Variants in CTNNA2 observed in about 807,000 individuals in gnomAD.
CTNNA2 encodes catenin alpha 2.
Under a neutral mutation model 101.0 loss-of-function variants are expected in CTNNA2, and 42 were observed. The observed-to-expected ratio is 0.42, with a 90% CI of 0.32 to 0.54. CTNNA2 has a LOEUF of 0.54. CTNNA2 is among the 20% of genes least tolerant of loss of function. The pLI is 0.14. For missense variants in CTNNA2, 871 were observed against 1,223.1 expected (o/e 0.71, Z 4.29); for synonymous variants, 450 against 456.4 (o/e 0.99, Z 0.18).
intron 9 of CTNNA2, among the ~76,000 whole-genome samples, chr2:80,443,131 T>C (rs1682739010): frequency 6.6e-6 from 1 of 152,214 alleles, no homozygotes; most frequent in African/African-American, 2.4e-5. Flanking sequence ...AAAGTTCACT[T>C]AATCGTGCCT....
chr2:80,044,122 G>A (rs962530500), intron 7 of CTNNA2, among the ~76,000 whole-genome samples: 1 of 152,134 alleles, frequency 6.6e-6, no homozygotes, highest in African/African-American at 2.4e-5. Context: ...TCTGTCCAGA[G>A]GATATTTATT....
At chr2:79,758,159 A>T (rs1672522390) in intron 3 of CTNNA2, among the ~76,000 whole-genome samples, 1 of 152,202 alleles carries the variant, frequency 6.6e-6, no homozygotes, top group African/African-American at 2.4e-5. Flanking sequence ...TGCATAAAAT[A>T]CTCTACGTTA....
intron 7 of CTNNA2, among the ~76,000 whole-genome samples, chr2:80,174,173 T>A (rs1466224177): frequency 5.3e-5 from 8 of 152,238 alleles, no homozygotes; most frequent in Non-Finnish European, 1.2e-4. Context: ...TAATGCCTTA[T>A]CCGATAGATA....
chr2:79,862,031 G>C (rs1004672023), intron 4 of CTNNA2, among the ~76,000 whole-genome samples: 1 of 152,130 alleles, frequency 6.6e-6, no homozygotes, highest in East Asian at 1.9e-4. Flanking sequence ...ATCATGAAGA[G>C]GGACATTTAT....
At chr2:79,753,174 C>T (rs542221240) in intron 3 of CTNNA2, among the ~76,000 whole-genome samples, 58 of 152,194 alleles carry the variant, frequency 3.8e-4, no homozygotes, top group Non-Finnish European at 7.1e-4. Context: ...ATACAGCTGA[C>T]GATTACTCCT....
At chr2:80,112,054 A>G (rs1701245821) in intron 7 of CTNNA2, among the ~76,000 whole-genome samples, 1 of 152,202 alleles carries the variant, frequency 6.6e-6, no homozygotes, top group African/African-American at 2.4e-5. Flanking sequence ...TAGATACAAT[A>G]TAAAAATTTA....
At chr2:79,868,158 T>C (rs1682287099) in intron 4 of CTNNA2, among the ~76,000 whole-genome samples, 2 of 152,162 alleles carry the variant, frequency 1.3e-5, no homozygotes. Context: ...TAGATAGGAA[T>C]TGGGAATGAC....
intron 8 of CTNNA2, among the ~76,000 whole-genome samples, chr2:80,402,948 G>A (rs191127577): frequency 1.3e-5 from 2 of 151,986 alleles, no homozygotes; most frequent in African/African-American, 4.8e-5. Flanking sequence ...AGCAGGGCCA[G>A]GACAAGGGTA....
chr2:79,712,085 G>A (rs1685774795), intron 2 of CTNNA2, among the ~76,000 whole-genome samples: 2 of 152,142 alleles, frequency 1.3e-5, no homozygotes, highest in South Asian at 4.1e-4. Context: ...CATTTATTGA[G>A]CACTTACTAT....
chr2:80,183,201 C>A (rs937357408), intron 7 of CTNNA2, among the ~76,000 whole-genome samples: 4 of 152,150 alleles, frequency 2.6e-5, no homozygotes, highest in Admixed American at 2.6e-4. Context: ...CACCAGCATA[C>A]ACACTTTTCT....
rs557401027 is a variant in CTNNA2 at position 79,748,914 on chromosome 2, C to T, written c.298+4332C>T. 8.6e-5 allele frequency among the ~76,000 whole-genome samples: 13 copies of T among 152,020 alleles called. No individual in the cohort carries two copies. In the South Asian group the frequency reaches 2.1e-3, roughly 24 times the overall value. On this transcript the variant is annotated intron_variant, in intron 3 of 18. Transcript: ENST00000402739. ...CCCCTATGGACTCTGATGGGGATGA[C>T]GCCAGGATCACGGGGCCAAAGAAGA...
At chr2:79,734,623 G>A (rs1670736355) in intron 2 of CTNNA2, among the ~76,000 whole-genome samples, 1 of 151,962 alleles carries the variant, frequency 6.6e-6, no homozygotes, top group African/African-American at 2.4e-5. Flanking sequence ...ACATCTTAAG[G>A]GAAAATGCTT....
intron 3 of CTNNA2, among the ~76,000 whole-genome samples, chr2:79,852,885 C>T (rs1680838298): frequency 6.6e-6 from 1 of 151,688 alleles, no homozygotes; most frequent in Non-Finnish European, 1.5e-5. Flanking sequence ...CCACCGCGCA[C>T]AGCCGCAGTT....
chr2:80,523,684 A>AG (rs2149579451), intron 9 of CTNNA2, among the ~76,000 whole-genome samples: 1 of 152,230 alleles, frequency 6.6e-6, no homozygotes, highest in African/African-American at 2.4e-5. Flanking sequence ...TGCACACAGG[A>AG]GGGGCTGGCG....
intron 4 of CTNNA2, among the ~76,000 whole-genome samples, chr2:79,409,310 C>A (rs1479059097): frequency 6.6e-6 from 1 of 151,912 alleles, no homozygotes; most frequent in Non-Finnish European, 1.5e-5. Context: ...TTAATTACAT[C>A]CCATTTGTCA....
intron 7 of CTNNA2, among the ~76,000 whole-genome samples, chr2:80,198,422 G>C (rs1208573005): frequency 6.6e-6 from 1 of 152,194 alleles, no homozygotes; most frequent in African/African-American, 2.4e-5. Flanking sequence ...TTAGTGAAAG[G>C]AGTGAAAGCT....
chr2:80,095,822 T>C (rs1700109615), intron 7 of CTNNA2, among the ~76,000 whole-genome samples: 2 of 152,202 alleles, frequency 1.3e-5, no homozygotes, highest in African/African-American at 2.4e-5. Context: ...TGATGGTAGT[T>C]TGTATTTCTG....
intron 4 of CTNNA2, among the ~76,000 whole-genome samples, chr2:79,442,788 CTGTT>C (rs1166773798): frequency 6.6e-6 from 1 of 152,078 alleles, no homozygotes; most frequent in East Asian, 1.9e-4. Context: ...ATTACTTTGT[CTGTT>C]TGTATGAGGC....
intron 7 of CTNNA2, among the ~76,000 whole-genome samples, chr2:80,025,331 C>T (rs902585605): frequency 6.6e-6 from 1 of 152,194 alleles, no homozygotes; most frequent in Non-Finnish European, 1.5e-5. Context: ...CATTCCCCTG[C>T]CTCCTGTCGG....
Sources: allele counts gnomAD v4.1 joint callset (sites outside exome capture counted in the v4.1 genomes callset), GRCh38; gene constraint gnomAD v4.1.1; transcripts MANE v1.5; gene names NCBI Gene and HGNC (gene_info 2026-07-23, HGNC 2026-07-21).